MIR2052HG: variants seen among roughly 807,000 people sequenced by gnomAD.
MIR2052HG encodes MIR2052 host gene.
chr8:74,732,042 G>A (rs1809697504), intron 4 of MIR2052HG, among the ~76,000 whole-genome samples: 1 of 152,106 alleles, frequency 6.6e-6, no homozygotes, highest in Non-Finnish European at 1.5e-5. Flanking sequence ...GTTTAAAGAG[G>A]GAAAGGAATG....
At chr8:74,689,938 G>A (rs752001632) in intron 2 of MIR2052HG, among the ~76,000 whole-genome samples, 29 of 152,268 alleles carry the variant, frequency 1.9e-4, no homozygotes, top group Non-Finnish European at 4.0e-4. Flanking sequence ...GAATTAAAGA[G>A]CCTTCACTAT....
At position 74,708,767 on chromosome 8, in the gene MIR2052HG, TAAAAATTTTAAATTAGAATTTAAATTTAA is replaced by T. The variant is rs200591203; in HGVS notation, n.371+5091_371+5119del. On this transcript the variant is annotated intron_variant and non_coding_transcript_variant, in intron 4 of 6. Coordinates refer to ENST00000523442, the Ensembl canonical transcript of MIR2052HG. ...AAAATTTTAAAATTAAACTTTAAAA[TAAAAATTTTAAATTAGAATTTAAATTTAA>T]AAAAAATTTAAATATTTTAAAATTA... Among the ~76,000 whole-genome samples, 497 of 151,246 alleles carry T rather than the reference TAAAAATTTTAAATTAGAATTTAAATTTAA, an allele frequency of 3.3e-3. 7 individuals carry two copies. In the East Asian group the frequency reaches 0.063, roughly 19 times the overall value.
chr8:74,682,772 G>A (rs1414321643), intron 2 of MIR2052HG, among the ~76,000 whole-genome samples: 3 of 152,036 alleles, frequency 2.0e-5, no homozygotes, highest in African/African-American at 4.8e-5. Context: ...ATATACACCC[G>A]AGAAACTCTT....
intron 2 of MIR2052HG, among the ~76,000 whole-genome samples, chr8:74,647,963 T>C (rs1476023447): frequency 2.6e-5 from 4 of 152,152 alleles, no homozygotes; most frequent in Admixed American, 6.6e-5. Flanking sequence ...AAGACCACTA[T>C]TGTACAAATT....
intron 4 of MIR2052HG, among the ~76,000 whole-genome samples, chr8:74,744,209 T>C (rs1809858971): frequency 6.6e-6 from 1 of 152,062 alleles, no homozygotes; most frequent in South Asian, 2.1e-4. Flanking sequence ...GTCACCAGTG[T>C]CTATCCAAAA....
intron 2 of MIR2052HG, among the ~76,000 whole-genome samples, chr8:74,684,034 C>A (rs1052783661): frequency 6.6e-6 from 1 of 152,058 alleles, no homozygotes; most frequent in Admixed American, 6.6e-5. Context: ...ATTCCCAAAT[C>A]CCTTAAAATT....
At chr8:74,731,496 G>A (rs1163225333) in intron 4 of MIR2052HG, among the ~76,000 whole-genome samples, 1 of 152,130 alleles carries the variant, frequency 6.6e-6, no homozygotes, top group Non-Finnish European at 1.5e-5. Context: ...TCAACAAGAA[G>A]CCCTTTTTAA....
chr8:74,713,260 C>G lies in MIR2052HG; in HGVS notation n.371+9578C>G, dbSNP rs1809487708. ...AAAATATATCTTGAATTTGTTCACT[C>G]TCTCAATCTTCAGTGTAATCATCAC... is the stretch of plus-strand genomic sequence containing the variant. On this transcript the variant is annotated intron_variant and non_coding_transcript_variant, in intron 4 of 6. Transcript: ENST00000523442. Among the ~76,000 whole-genome samples the G allele has an allele frequency of 3.3e-5, 5 of 152,302 alleles. No homozygotes were observed. The South Asian group carries it at 1.0e-3, about 32-fold the overall frequency.
At chr8:74,752,494 T>C (rs758472384) in exon 5 of MIR2052HG, 2 of 456,154 alleles carry the variant, frequency 4.4e-6, no homozygotes, top group East Asian at 1.4e-4. Context: ...TCATTAACTT[T>C]GGAGAGGCTA....
At chr8:74,671,170 A>G (rs1808988567) in intron 2 of MIR2052HG, among the ~76,000 whole-genome samples, 1 of 151,648 alleles carries the variant, frequency 6.6e-6, no homozygotes, top group Non-Finnish European at 1.5e-5. Context: ...AGGAAGTGGG[A>G]AAAGGAAGAA....
chr8:74,664,505 T>C (rs941684909), intron 2 of MIR2052HG, among the ~76,000 whole-genome samples: 4 of 152,070 alleles, frequency 2.6e-5, no homozygotes, highest in African/African-American at 9.7e-5. Context: ...CAACTTTTCT[T>C]TTTCTTTTCC....
At chr8:74,757,368 T>C (rs1176676160) in intron 5 of MIR2052HG, 1 of 152,224 alleles carries the variant, frequency 6.6e-6, no homozygotes, top group African/African-American at 2.4e-5. Flanking sequence ...CCTTGGGAAC[T>C]ACTGTCACTG....
intron 4 of MIR2052HG, among the ~76,000 whole-genome samples, chr8:74,721,504 C>G (rs1229214568): frequency 6.6e-6 from 1 of 152,148 alleles, no homozygotes; most frequent in African/African-American, 2.4e-5. Flanking sequence ...GGACAAAAGG[C>G]CTCTTATCTG....
intron 1 of MIR2052HG, among the ~76,000 whole-genome samples, chr8:74,609,334 C>G (rs111787188): frequency 9.2e-5 from 14 of 152,004 alleles, no homozygotes; most frequent in African/African-American, 3.1e-4. Context: ...ACTTTAGACC[C>G]AGATGCTTCG....
At chr8:74,725,929 A>G (rs986612133) in intron 4 of MIR2052HG, among the ~76,000 whole-genome samples, 1 of 152,092 alleles carries the variant, frequency 6.6e-6, no homozygotes, top group Non-Finnish European at 1.5e-5. Flanking sequence ...CTAACTCCAC[A>G]TATAGAATTA....
chr8:74,735,649 A>C (rs1809738145), intron 4 of MIR2052HG, among the ~76,000 whole-genome samples: 1 of 152,236 alleles, frequency 6.6e-6, no homozygotes, highest in Admixed American at 6.5e-5. Flanking sequence ...TTGCTTCATG[A>C]GATTCACAAT....
At chr8:74,706,963 G>A (rs1210346518) in intron 4 of MIR2052HG, among the ~76,000 whole-genome samples, 1 of 152,058 alleles carries the variant, frequency 6.6e-6, no homozygotes, top group East Asian at 1.9e-4. Flanking sequence ...TTTCTAAAAT[G>A]TATTGGTTAA....
chr8:74,726,054 G>T (rs1809632286), intron 4 of MIR2052HG, among the ~76,000 whole-genome samples: 1 of 152,060 alleles, frequency 6.6e-6, no homozygotes, highest in Non-Finnish European at 1.5e-5. Flanking sequence ...TTAGCCAGGT[G>T]TGGTCGTGGG....
rs547844521 is a variant in MIR2052HG, at chr8:74,654,129, G to T, written n.216+41189G>T. On this transcript the variant is annotated intron_variant and non_coding_transcript_variant, in intron 2 of 6. Transcript: ENST00000523442. ...TTCTACTGAGAGAATCGTATTTGGG[G>T]TCTACAGAAGAGCAGTAGAGATATG... is the stretch of plus-strand genomic sequence containing the variant. 7.7e-4 allele frequency among the ~76,000 whole-genome samples: 117 copies of T among 152,280 alleles called. 4 individuals are homozygous for T. The South Asian group carries it at 0.011, about 15-fold the overall frequency.
Sources: allele counts gnomAD v4.1 joint callset (sites outside exome capture counted in the v4.1 genomes callset), GRCh38; gene constraint gnomAD v4.1.1; transcripts MANE v1.5; gene names NCBI Gene and HGNC (gene_info 2026-07-23, HGNC 2026-07-21).